Variants in ARPP21 observed in about 807,000 individuals in gnomAD.
ARPP21 encodes cAMP regulated phosphoprotein 21.
In ARPP21, 69 loss-of-function variants were observed where a neutral mutation model predicts 113.2. That is an observed-to-expected ratio of 0.61 (90% CI 0.50 to 0.74). ARPP21 has a LOEUF of 0.74. Among genes scored for constraint, ARPP21 ranks in the 30% least tolerant of loss-of-function variants. ARPP21 has a pLI of 0.00. For synonymous variants in ARPP21, 368 were observed against 375.5 expected (o/e 0.98, Z 0.23); for missense variants, 1,070 against 1,037.4 (o/e 1.03, Z -0.43).
At chr3:35,699,123 C>T (rs539913738) in intron 9 of ARPP21, among the ~76,000 whole-genome samples, 16 of 151,634 alleles carry the variant, frequency 1.1e-4, no homozygotes, top group Admixed American at 2.6e-4. Context: ...TAGTATGTAA[C>T]TACAGGAGTG....
chr3:35,725,188 T>A (rs936660097), intron 14 of ARPP21, among the ~76,000 whole-genome samples: 1 of 152,158 alleles, frequency 6.6e-6, no homozygotes, highest in Non-Finnish European at 1.5e-5. Context: ...GCTGTGGAAG[T>A]TAGGCTCCTA....
intron 18 of ARPP21, among the ~76,000 whole-genome samples, chr3:35,742,341 C>T (rs2094719687): frequency 6.6e-6 from 1 of 152,188 alleles, no homozygotes; most frequent in Non-Finnish European, 1.5e-5. Flanking sequence ...TGGTAGTCAT[C>T]TTTAATACCA....
At chr3:35,665,013 T>C (rs922630270) in intron 1 of ARPP21, among the ~76,000 whole-genome samples, 1 of 152,196 alleles carries the variant, frequency 6.6e-6, no homozygotes, top group Non-Finnish European at 1.5e-5. Flanking sequence ...AAATGTTAGG[T>C]CACTGAAAGA....
intron 14 of ARPP21, among the ~76,000 whole-genome samples, chr3:35,728,456 G>A (rs2093701536): frequency 6.6e-6 from 1 of 151,076 alleles, no homozygotes; most frequent in Non-Finnish European, 1.5e-5. Flanking sequence ...CTGACCTTGT[G>A]ATCCACCTGC....
intron 1 of ARPP21, among the ~76,000 whole-genome samples, chr3:35,672,982 T>C (rs1559563420): frequency 1.3e-5 from 2 of 152,104 alleles, no homozygotes; most frequent in Non-Finnish European, 2.9e-5. Flanking sequence ...ATAATCTATG[T>C]AGAATTATTA....
intron 9 of ARPP21, among the ~76,000 whole-genome samples, chr3:35,698,212 T>G (rs955814216): frequency 1.3e-5 from 2 of 151,738 alleles, no homozygotes; most frequent in Non-Finnish European, 3.0e-5. Flanking sequence ...CATGTCATTT[T>G]CTTCAAATAT....
intron 11 of ARPP21, among the ~76,000 whole-genome samples, chr3:35,710,123 C>A (rs1419684513): frequency 6.6e-6 from 1 of 152,060 alleles, no homozygotes; most frequent in African/African-American, 2.4e-5. Context: ...CCCCTACAAC[C>A]CCCGCCACCT....
At chr3:35,645,543 G>A (rs952442417) in intron 1 of ARPP21, among the ~76,000 whole-genome samples, 5 of 151,682 alleles carry the variant, frequency 3.3e-5, no homozygotes, top group Non-Finnish European at 7.4e-5. Context: ...AATTCACAAA[G>A]CATATCTACC....
At chr3:35,678,628 G>GTACTACTGTACTACTGTACT (rs2078107619) in intron 1 of ARPP21, among the ~76,000 whole-genome samples, 1 of 151,924 alleles carries the variant, frequency 6.6e-6, no homozygotes, top group South Asian at 2.1e-4. Flanking sequence ...AGAAACTATT[G>GTACTACTGTACTACTGTACT]ACTGTACTAC....
chr3:35,661,491 T>C (rs1707792542), intron 1 of ARPP21, among the ~76,000 whole-genome samples: 1 of 152,174 alleles, frequency 6.6e-6, no homozygotes, highest in Non-Finnish European at 1.5e-5. Flanking sequence ...GCTGCTATAA[T>C]TATTTAGGCA....
chr3:35,657,568 T>C (rs79430603), intron 1 of ARPP21, among the ~76,000 whole-genome samples: 2,238 of 152,252 alleles, frequency 0.015, 56 homozygotes, highest in African/African-American at 0.051. Context: ...CTCAGCCACT[T>C]TTGAGGTAGG....
intron 1 of ARPP21, among the ~76,000 whole-genome samples, chr3:35,657,041 A>T (rs550755512): frequency 6.6e-6 from 1 of 152,190 alleles, no homozygotes; most frequent in East Asian, 1.9e-4. Context: ...ATTTGGAAAA[A>T]TCTGACTGAC....
At chr3:35,704,403 T>C (rs1176835230) in intron 9 of ARPP21, among the ~76,000 whole-genome samples, 1 of 151,834 alleles carries the variant, frequency 6.6e-6, no homozygotes, top group Non-Finnish European at 1.5e-5. Flanking sequence ...TTTAAAATAA[T>C]GTTTAAATAG....
At chr3:35,645,430 C>G (rs779876366) in intron 1 of ARPP21, among the ~76,000 whole-genome samples, 1 of 151,744 alleles carries the variant, frequency 6.6e-6, no homozygotes, top group African/African-American at 2.4e-5. Flanking sequence ...AATATTCCAG[C>G]GAATTTTCTA....
chr3:35,758,104 A>G (rs1035792689), intron 19 of ARPP21, among the ~76,000 whole-genome samples: 2 of 152,206 alleles, frequency 1.3e-5, no homozygotes, highest in African/African-American at 2.4e-5. Flanking sequence ...ATTAATCACA[A>G]CATTCCTGAC....
At chr3:35,788,478 G>C (rs1172920491) in intron 19 of ARPP21, among the ~76,000 whole-genome samples, 1 of 152,136 alleles carries the variant, frequency 6.6e-6, no homozygotes. Flanking sequence ...GGTGGACTGG[G>C]AGAGGCTGTG....
intron 19 of ARPP21, among the ~76,000 whole-genome samples, chr3:35,781,170 A>G (rs767543541): frequency 6.6e-6 from 1 of 152,190 alleles, no homozygotes; most frequent in Non-Finnish European, 1.5e-5. Context: ...CCTCAAGGGA[A>G]CTTCAAGAAA....
rs373783786 is a variant in ARPP21, at chr3:35,653,173, G to A, written c.-213+12775G>A. Among the ~76,000 whole-genome samples the A allele has an allele frequency of 2.2e-4, 34 of 152,164 alleles. 1 individual carries two copies. In the East Asian group the frequency reaches 6.6e-3, roughly 29 times the overall value. ...CTCCTGTGTGAAAGGGACTTTGTGT[G>A]CCTATGTAATGTCCATACCTATCTA... On this transcript the variant is annotated intron_variant, in intron 1 of 20. Transcript: ENST00000684406.
chr3:35,712,008 T>TG (rs952919380), intron 11 of ARPP21, among the ~76,000 whole-genome samples: 1 of 152,176 alleles, frequency 6.6e-6, no homozygotes, highest in African/African-American at 2.4e-5. Context: ...CAGGGATCAT[T>TG]GGGGGTGACC....
Sources: allele counts gnomAD v4.1 joint callset (sites outside exome capture counted in the v4.1 genomes callset), GRCh38; gene constraint gnomAD v4.1.1; transcripts MANE v1.5; gene names NCBI Gene and HGNC (gene_info 2026-07-23, HGNC 2026-07-21).